Variants in ACTR3C observed in about 807,000 individuals in gnomAD.
ACTR3C encodes the protein actin-related protein 3C.
Under a neutral mutation model 26.3 loss-of-function variants are expected in ACTR3C, and 18 were observed. The observed-to-expected ratio is 0.68, with a 90% confidence interval of 0.47 to 1.01. The LOEUF (loss-of-function observed/expected upper bound fraction) is 1.01. Among genes scored for constraint, ACTR3C ranks in the 50% least tolerant of loss-of-function variants. The pLI is 0.00. For missense variants in ACTR3C, 184 were observed against 250.7 expected, an observed-to-expected ratio of 0.73 and a Z score of 1.80; for synonymous variants, 55 against 94.5, an observed-to-expected ratio of 0.58 and a Z score of 2.42.
chr7:150,176,919 A>G, the ACTR3C span, among the ~76,000 whole-genome samples: 1 of 150,916 alleles, frequency 6.6e-6, no homozygotes, highest in Non-Finnish European at 1.5e-5. Flanking sequence ...TACTGAAATT[A>G]TTTGTTCATT....
At chr7:150,111,560 TCA>T in the ACTR3C span, among the ~76,000 whole-genome samples, 4 of 87,096 alleles carry the variant, frequency 4.6e-5, 1 homozygote, top group Non-Finnish European at 9.1e-5. Flanking sequence ...ACTCGCCCAC[TCA>T]CAGTGACACA....
the ACTR3C span, among the ~76,000 whole-genome samples, chr7:150,091,987 C>CAAAAAAAAAAAAAA: frequency 3.6e-4 from 7 of 19,416 alleles, no homozygotes; most frequent in Non-Finnish European, 5.1e-4. Flanking sequence ...GACTCCGTCT[C>CAAAAAAAAAAAAAA]AAAAAAAAAA....
chr7:150,219,036 C>T, the ACTR3C span, among the ~76,000 whole-genome samples: 1 of 152,098 alleles, frequency 6.6e-6, no homozygotes, highest in African/African-American at 2.4e-5. Context: ...GAAGAAAATG[C>T]TTGATATTAC....
intron 6 of ACTR3C, among the ~76,000 whole-genome samples, chr7:150,252,645 T>C (rs1435523710): frequency 6.6e-6 from 1 of 152,218 alleles, no homozygotes; most frequent in Non-Finnish European, 1.5e-5. Context: ...TGCTAAGTTA[T>C]TGCTGTGTCA....
the ACTR3C span, among the ~76,000 whole-genome samples, chr7:149,962,764 A>C: frequency 1.3e-5 from 2 of 152,160 alleles, no homozygotes; most frequent in Non-Finnish European, 2.9e-5. Context: ...AAAAGTAGAC[A>C]AACAGCAAAG....
the ACTR3C span, among the ~76,000 whole-genome samples, chr7:150,198,554 G>A: frequency 6.7e-6 from 1 of 148,614 alleles, no homozygotes; most frequent in Non-Finnish European, 1.5e-5. Context: ...TGGGAGGTGA[G>A]GAGCGTCTCT....
chr7:149,976,816 C>G, the ACTR3C span, among the ~76,000 whole-genome samples: 1,349 of 152,156 alleles, frequency 8.9e-3, 19 homozygotes, highest in African/African-American at 0.031. Flanking sequence ...GTGTGAGGTG[C>G]TATGGAAGTA....
the ACTR3C span, among the ~76,000 whole-genome samples, chr7:150,032,819 G>C: frequency 6.6e-6 from 1 of 152,038 alleles, no homozygotes; most frequent in Non-Finnish European, 1.5e-5. Context: ...GTAGGTCGTC[G>C]TGGAATGTGT....
At chr7:150,320,978 A>G (rs1226883194) in intron 1 of ACTR3C, among the ~76,000 whole-genome samples, 1 of 152,206 alleles carries the variant, frequency 6.6e-6, no homozygotes, top group East Asian at 1.9e-4. Flanking sequence ...CTCTTTGACT[A>G]AACTTGAGTC....
the ACTR3C span, among the ~76,000 whole-genome samples, chr7:150,077,940 G>A: frequency 1.3e-5 from 2 of 152,162 alleles, no homozygotes; most frequent in South Asian, 4.1e-4. Context: ...ACAAAGTCAT[G>A]ATGAACTGGA....
At chr7:149,893,139 T>C in the ACTR3C span, among the ~76,000 whole-genome samples, 2 of 152,240 alleles carry the variant, frequency 1.3e-5, no homozygotes, top group Non-Finnish European at 1.5e-5. Context: ...TTCAAATTTC[T>C]AACTCCTGCT....
chr7:149,902,838 G>T, the ACTR3C span, among the ~76,000 whole-genome samples: 1 of 90,554 alleles, frequency 1.1e-5, no homozygotes. Context: ...CCAGCTACTT[G>T]GGAGGCTGAG....
At chr7:149,929,425 CAAAAAAAAAAA>C in the ACTR3C span, among the ~76,000 whole-genome samples, 25 of 49,130 alleles carry the variant, frequency 5.1e-4, no homozygotes, top group South Asian at 5.7e-3. Flanking sequence ...AAGATTCTGT[CAAAAAAAAAAA>C]AAAAAAAAAA....
At chr7:150,265,420 A>G (rs13438017) in intron 6 of ACTR3C, among the ~76,000 whole-genome samples, 18,230 of 150,416 alleles carry the variant, frequency 0.12, 1,912 homozygotes, top group African/African-American at 0.27. Context: ...TAGGTCTGGC[A>G]TGATGGCTTA....
At chr7:150,194,852 A>G in the ACTR3C span, among the ~76,000 whole-genome samples, 1 of 152,126 alleles carries the variant, frequency 6.6e-6, no homozygotes, top group Non-Finnish European at 1.5e-5. Flanking sequence ...CCAGCACTTT[A>G]GAAGGCCAAG....
the ACTR3C span, among the ~76,000 whole-genome samples, chr7:150,193,186 T>C: frequency 6.6e-6 from 1 of 152,252 alleles, no homozygotes; most frequent in South Asian, 2.1e-4. Flanking sequence ...ACATAATTGG[T>C]ACAAACATAT....
At chr7:149,907,478 T>TTCTCTTCTCTCTCTC in the ACTR3C span, among the ~76,000 whole-genome samples, 4,537 of 97,426 alleles carry the variant, frequency 0.047, 226 homozygotes, top group Middle Eastern at 0.084. Context: ...CTCTCTTCTC[T>TTCTCTTCTCTCTCTC]TCTCTCTCTC....
chr7:150,086,361 T>A, the ACTR3C span, among the ~76,000 whole-genome samples: 1 of 152,350 alleles, frequency 6.6e-6, no homozygotes, highest in East Asian at 1.9e-4. Flanking sequence ...CTAGTATAAA[T>A]TTGAAAGCTT....
chr7:149,888,827 G>C, the ACTR3C span, among the ~76,000 whole-genome samples: 4 of 152,080 alleles, frequency 2.6e-5, no homozygotes, highest in Non-Finnish European at 5.9e-5. Flanking sequence ...GGCCAACGTG[G>C]TGAAACCCCG....
Sources: allele counts gnomAD v4.1 joint callset (sites outside exome capture counted in the v4.1 genomes callset), GRCh38; gene constraint gnomAD v4.1.1; transcripts MANE v1.5; gene names NCBI Gene and HGNC (gene_info 2026-07-23, HGNC 2026-07-21).